Variants in TMEM235 observed in about 807,000 individuals in gnomAD.
The protein encoded by TMEM235 is transmembrane protein 235, also known as claudin-27.
A neutral mutation model predicts 22.9 loss-of-function variants in TMEM235; 23 were observed. The observed-to-expected ratio is 1.00, with a 90% CI of 0.72 to 1.42. The LOEUF is 1.42. TMEM235 is among the 40% of genes most tolerant of loss of function. The pLI, the probability that TMEM235 is intolerant of heterozygous loss-of-function variation, is 0.00. For synonymous variants in TMEM235, 137 were observed against 140.5 expected (o/e 0.98, Z 0.17); for missense variants, 308 against 299.5 (o/e 1.03, Z -0.21).
Position 78,232,201 on chromosome 17 carries a change from C to A in TMEM235, c.178C>A (p.Arg60Ser), listed in dbSNP as rs1043240548. 2.5e-5 allele frequency: 37 copies of A among 1,482,026 alleles called. No homozygotes were observed. Among genetic ancestry groups the A allele is most frequent in the Middle Eastern group, 1.9e-4 (1 of 5,270 alleles). 91.8% of individuals were successfully genotyped at this position (1,482,026 alleles called of 1,614,324 possible). A position where few individuals can be genotyped will look rare whatever the true frequency, so the allele number is the denominator to read the frequency against. Residue 60 changes from arginine (R) to serine (S), a missense_variant, in exon 2 of 6, where the codon CGC (arginine) becomes AGC (serine). By Grantham distance (110) the Arg-to-Ser change is moderately radical. This residue lies in a region of TMEM235 where 285 missense variants were observed against 256.2 expected (regional missense o/e 1.11). Coordinates refer to ENST00000421688, the Ensembl canonical transcript of TMEM235. ...GCTCTCCTCGCACTCGGGGCTCTGG[C>A]GCATCTGCGAAGGTAACCGGCCACC... is the stretch of plus-strand genomic sequence containing the variant.
rs937793602 is a variant in TMEM235, at chr17:78,238,205, A to G, written c.410-819A>G. ...GAAAATGCCCTGGAGGCATGGGCCG[A>G]GTCCCCTACCTAGCTCGTTGCTGGA... is the stretch of plus-strand genomic sequence containing the variant. On this transcript the variant is annotated intron_variant, in intron 4 of 5. Coordinates refer to ENST00000421688, the Ensembl canonical transcript of TMEM235. The surrounding 1 kb of genome is among the most constrained non-coding windows in gnomAD (Gnocchi z 4.3). Among the ~76,000 whole-genome samples the G allele has an allele frequency of 1.1e-4, 16 of 152,348 alleles. No homozygotes were observed. The highest frequency in any genetic ancestry group is 3.8e-4 in the African/African-American group (16 of 41,580).
exon 2 of TMEM235, chr17:78,231,936 C>T (rs2076584699): frequency 5.0e-6 from 5 of 1,002,640 alleles, no homozygotes; most frequent in South Asian, 9.1e-5. Context: ...CCGCCCGCCC[C>T]CCGTCCCCCG....
Position 78,238,969 on chromosome 17 carries a change from G to A in TMEM235, c.410-55G>A. On this transcript the variant is annotated intron_variant, in intron 4 of 5. Transcript: ENST00000421688. This position sits in a 1 kb window ranked among gnomAD's most constrained non-coding sequence, Gnocchi z 4.3. ...AGGCCATGTCTGCAGGACCACCTGGGCCTGGGCCCGCTAGAGCAGACACCG... is the reference window on the plus strand; with the variant it reads ...AGGCCATGTCTGCAGGACCACCTGGACCTGGGCCCGCTAGAGCAGACACCG... The A allele has an allele frequency of 1.3e-6, 2 of 1,501,520 alleles. No homozygotes were observed. The highest frequency in any genetic ancestry group is 1.8e-6 in the Non-Finnish European group (2 of 1,123,422). The allele number at this position is 1,501,520 out of a possible 1,614,324, so 93.0% of individuals were successfully genotyped here.
chr17:78,234,120 G>A, intron 3 of TMEM235, 145 bp downstream of exon 2: 2 of 761,530 alleles, frequency 2.6e-6, no homozygotes, highest in Non-Finnish European at 4.4e-6. Context: ...CTGTCCCAGT[G>A]CTGTGCTGCT....
exon 2 of TMEM235, chr17:78,231,694 G>A (rs1473089899): frequency 7.8e-7 from 1 of 1,283,114 alleles, no homozygotes; most frequent in East Asian, 5.8e-5. Context: ...CGGGGGTTCA[G>A]GGAAATTAAG....
exon 5 of TMEM235, chr17:78,239,157 C>T: frequency 6.5e-7 from 1 of 1,542,792 alleles, no homozygotes. Context: ...TGGCCCTGGC[C>T]TGGGGCTCCT....
chr17:78,239,730 C>G, intron 5 of TMEM235, 50 bp from the exon 5 acceptor site: 1 of 1,509,848 alleles, frequency 6.6e-7, no homozygotes, highest in Non-Finnish European at 8.9e-7. Context: ...ATGCTCCTCT[C>G]CAGCCCCGCA....
chr17:78,233,429 T>G (rs569857586), intron 2 of TMEM235, among the ~76,000 whole-genome samples: 1 of 152,338 alleles, frequency 6.6e-6, no homozygotes, highest in Non-Finnish European at 1.5e-5. Flanking sequence ...AGGTGAAGGC[T>G]GGGCCCGGTG....
At chr17:78,234,667 C>T (rs1403019452) in exon 4 of TMEM235, 28 of 1,536,072 alleles carry the variant, frequency 1.8e-5, no homozygotes, top group Non-Finnish European at 2.4e-5. Context: ...CTGCGGCCTG[C>T]TCAGCTCCCT....
rs2076626084 is a variant in TMEM235, at chr17:78,234,852, C to T, written c.409+122C>T. On this transcript the variant is annotated intron_variant, in intron 4 of 5. Transcript: ENST00000421688. ...GCTCCCTTCTGGGCGGGTGCTGAGT[C>T]TGGCGATGGAGCCGTGGCAGGCAGC... is the stretch of plus-strand genomic sequence containing the variant. 9.1e-6 allele frequency: 12 copies of T among 1,316,782 alleles called. 1 individual carries two copies. In the South Asian group the frequency reaches 1.6e-4, roughly 17 times the overall value. 81.6% of individuals were successfully genotyped at this position (1,316,782 alleles called of 1,614,324 possible).
At chr17:78,234,707 C>T (rs2076624034) in exon 4 of TMEM235, 1 of 1,536,006 alleles carries the variant, frequency 6.5e-7, no homozygotes, top group Non-Finnish European at 8.7e-7. Context: ...CTGCTTTTCA[C>T]CGGCTGCTAC....
intron 2 of TMEM235, among the ~76,000 whole-genome samples, chr17:78,232,456 G>C (rs2076593828): frequency 6.6e-6 from 1 of 152,214 alleles, no homozygotes; most frequent in African/African-American, 2.4e-5. Flanking sequence ...GCCGGAGGAG[G>C]GGGCTGTGGG....
At chr17:78,233,643 C>T (rs906846189) in intron 2 of TMEM235, among the ~76,000 whole-genome samples, 1 of 150,960 alleles carries the variant, frequency 6.6e-6, no homozygotes, top group African/African-American at 2.4e-5. Flanking sequence ...TGCAGTGAAC[C>T]GAGATCGCGC....
chr17:78,239,022 AG>A lies in TMEM235; in HGVS notation c.410del. 1 of 1,537,734 alleles carries A rather than the reference AG, an allele frequency of 6.5e-7. No individual in the cohort carries two copies. On this transcript the variant is annotated splice_acceptor_variant, in intron 4 of 5. Coordinates refer to ENST00000421688, the Ensembl canonical transcript of TMEM235. LOFTEE classifies it high-confidence loss of function. ...CAGCTGCCCTCCCCATCTCTCCCCC[AG>A]GTGTCCTGACACTGGCGGGGGTCAG... is the stretch of plus-strand genomic sequence containing the variant.
chr17:78,233,523 G>A (rs1599041085), intron 2 of TMEM235, among the ~76,000 whole-genome samples: 1 of 151,986 alleles, frequency 6.6e-6, no homozygotes, highest in South Asian at 2.1e-4. Flanking sequence ...GTGAAACCCC[G>A]TCTCTACTAA....
exon 4 of TMEM235, chr17:78,234,673 T>C: frequency 6.5e-7 from 1 of 1,536,176 alleles, no homozygotes; most frequent in Non-Finnish European, 8.7e-7. Flanking sequence ...CCTGCTCAGC[T>C]CCCTGGCCCA....
exon 6 of TMEM235, chr17:78,240,164 G>C (rs956970433): frequency 2.2e-6 from 2 of 921,974 alleles, no homozygotes; most frequent in East Asian, 4.7e-5. Flanking sequence ...TGAGTGCCCT[G>C]GTGGGCACAC....
intron 2 of TMEM235, among the ~76,000 whole-genome samples, 198 bp from the exon 2 acceptor site, chr17:78,233,695 CAA>C (rs779888336): frequency 2.3e-5 from 3 of 129,294 alleles, no homozygotes; most frequent in African/African-American, 3.0e-5. Context: ...GACTCCATCT[CAA>C]AAAAAAAAAA....
chr17:78,232,636 G>T (rs1374856864), intron 2 of TMEM235, among the ~76,000 whole-genome samples: 2 of 152,110 alleles, frequency 1.3e-5, no homozygotes, highest in Non-Finnish European at 2.9e-5. Context: ...GATGCCGCGG[G>T]GGCAGGGGTT....
Sources: allele counts gnomAD v4.1 joint callset (sites outside exome capture counted in the v4.1 genomes callset), GRCh38; gene constraint gnomAD v4.1.1; regional missense constraint gnomAD v4.1.1; non-coding constraint Gnocchi (gnomAD v3.1); transcripts MANE v1.5; gene names NCBI Gene and HGNC (gene_info 2026-07-23, HGNC 2026-07-21).